Variants in MBOAT2 observed in about 807,000 individuals in gnomAD.
MBOAT2 encodes the protein membrane-bound glycerophospholipid O-acyltransferase 2.
Under a neutral mutation model 63.4 loss-of-function variants are expected in MBOAT2, and 28 were observed. The observed-to-expected ratio is 0.44, with a 90% CI of 0.33 to 0.61. MBOAT2 has a LOEUF of 0.61. Among genes scored for constraint, MBOAT2 ranks in the 20% least tolerant of loss-of-function variants. The pLI is 0.03. For synonymous variants in MBOAT2, 211 were observed against 215.6 expected, an observed-to-expected ratio of 0.98 and a Z score of 0.19; for missense variants, 470 against 605.8, an observed-to-expected ratio of 0.78 and a Z score of 2.35.
chr2:8,944,777 T>A (rs974038453), intron 2 of MBOAT2, among the ~76,000 whole-genome samples: 1 of 152,014 alleles, frequency 6.6e-6, no homozygotes, highest in African/African-American at 2.4e-5. Flanking sequence ...AAAGCTTTTT[T>A]AAAAAACAAT....
intron 3 of MBOAT2, among the ~76,000 whole-genome samples, chr2:8,933,349 TG>T (rs1667451043): frequency 6.6e-6 from 1 of 152,180 alleles, no homozygotes; most frequent in Non-Finnish European, 1.5e-5. Flanking sequence ...GAAAATTTTT[TG>T]GGTGGAAGAG....
intron 1 of MBOAT2, among the ~76,000 whole-genome samples, chr2:8,967,023 C>T: frequency 6.6e-6 from 1 of 152,268 alleles, no homozygotes; most frequent in African/African-American, 2.4e-5. Flanking sequence ...GATGAAGAAA[C>T]TATAATTTCT....
intron 4 of MBOAT2, among the ~76,000 whole-genome samples, chr2:8,902,876 T>G (rs1011276056): frequency 2.0e-5 from 3 of 152,234 alleles, no homozygotes; most frequent in Non-Finnish European, 4.4e-5. Context: ...GGGTTGCTGC[T>G]GCTGGCTCGG....
chr2:8,894,212 G>A (rs899737064), intron 4 of MBOAT2, among the ~76,000 whole-genome samples: 4 of 152,146 alleles, frequency 2.6e-5, no homozygotes, highest in African/African-American at 7.2e-5. Flanking sequence ...TGTTTCTGAC[G>A]AACCTTGTAC....
At position 8,888,405 on chromosome 2, in the gene MBOAT2, C is replaced by G. The variant is rs1228742308; in HGVS notation, c.396-332G>C. 2.0e-5 allele frequency among the ~76,000 whole-genome samples: 3 copies of G among 152,252 alleles called. No homozygotes were observed. The East Asian group carries it at 5.8e-4, about 29-fold the overall frequency. The stretch of plus-strand genomic sequence containing the variant: ...AAACAAGGCCCGGAGGTAAGAAGCA[C>G]GCAGGCATGAGATGTGGCCCCAGTC... On this transcript the variant is annotated intron_variant, in intron 4 of 12. Coordinates refer to ENST00000305997, the MANE Select transcript of MBOAT2 (RefSeq NM_138799.4).
At chr2:8,945,798 C>A (rs1031461300) in intron 2 of MBOAT2, among the ~76,000 whole-genome samples, 1 of 151,796 alleles carries the variant, frequency 6.6e-6, no homozygotes, top group Admixed American at 6.6e-5. Context: ...AATTTCAAGT[C>A]ACACTAAAGG....
chr2:8,950,984 C>T, intron 2 of MBOAT2, among the ~76,000 whole-genome samples: 1 of 152,096 alleles, frequency 6.6e-6, no homozygotes, highest in Non-Finnish European at 1.5e-5. Context: ...GGAATAAAGC[C>T]TACTTCATCA....
At chr2:8,880,952 C>T (rs13426036) in intron 6 of MBOAT2, among the ~76,000 whole-genome samples, 11,455 of 152,160 alleles carry the variant, frequency 0.075, 456 homozygotes, top group Middle Eastern at 0.11. Context: ...GTCGACAAAG[C>T]CTTCAAGAAG....
At chr2:8,982,051 G>A (rs114775287) in intron 1 of MBOAT2, among the ~76,000 whole-genome samples, 222 of 152,266 alleles carry the variant, frequency 1.5e-3, no homozygotes, top group African/African-American at 4.8e-3. Flanking sequence ...AGTTACTTCT[G>A]TAAAGTGGAA....
intron 4 of MBOAT2, among the ~76,000 whole-genome samples, chr2:8,900,572 G>A (rs1263929654): frequency 1.3e-5 from 2 of 152,126 alleles, no homozygotes. Context: ...ATAACCTGGG[G>A]GGTTTTGTGG....
chr2:8,871,811 G>A lies in MBOAT2; in HGVS notation c.883+1297C>T, dbSNP rs560361319. On this transcript the variant is annotated intron_variant, in intron 8 of 12. Coordinates refer to ENST00000305997, the MANE Select transcript of MBOAT2 (RefSeq NM_138799.4). ...CGACAGTAAAATGCTAATCCTTAGA[G>A]GCCTAATTATTGGCTGATGTGTTTC... Among the ~76,000 whole-genome samples the A allele has an allele frequency of 8.5e-5, 13 of 152,204 alleles. No homozygotes were observed. In the South Asian group the frequency reaches 2.7e-3, roughly 32 times the overall value.
chr2:8,894,329 G>A (rs1285857221), intron 4 of MBOAT2, among the ~76,000 whole-genome samples: 1 of 152,158 alleles, frequency 6.6e-6, no homozygotes, highest in Non-Finnish European at 1.5e-5. Flanking sequence ...TTTACTCCTG[G>A]TAACTTGAAT....
rs1367995756 is a variant in MBOAT2 at position 8,858,612 on chromosome 2, T to C, written c.*67A>G. The stretch of plus-strand genomic sequence containing the variant: ...GCTTTTCCAACAAACTCAAACCCCT[T>C]GAAAAGGTGCTAAGATTGGTTTCTG... On this transcript the variant is annotated 3_prime_UTR_variant, in exon 13 of 13. Transcript: ENST00000305997. 8.1e-7 allele frequency: 1 copy of C among 1,239,320 alleles called. No homozygotes were observed. Among genetic ancestry groups the C allele is most frequent in the African/African-American group, 1.5e-5 (1 of 65,976 alleles). The allele number at this position is 1,239,320 out of a possible 1,614,324, so 76.8% of individuals were successfully genotyped here. A position where few individuals can be genotyped will look rare whatever the true frequency, so the allele number is the denominator to read the frequency against.
chr2:8,883,599 T>C (rs1233756882), intron 5 of MBOAT2, among the ~76,000 whole-genome samples: 1 of 152,354 alleles, frequency 6.6e-6, no homozygotes, highest in South Asian at 2.1e-4. Flanking sequence ...CCTGCTTTTA[T>C]AGCACTTATA....
chr2:8,860,009 C>T (rs1572901526), intron 12 of MBOAT2, among the ~76,000 whole-genome samples: 1 of 151,922 alleles, frequency 6.6e-6, no homozygotes, highest in Non-Finnish European at 1.5e-5. Context: ...GATGGTGAAA[C>T]CCCATCTCTA....
At chr2:8,994,790 G>A (rs1271800272) in intron 1 of MBOAT2, among the ~76,000 whole-genome samples, 1 of 152,220 alleles carries the variant, frequency 6.6e-6, no homozygotes, top group Non-Finnish European at 1.5e-5. Context: ...CTTCATCAAG[G>A]AGGCATAGGC....
chr2:8,972,825 T>G (rs1445980998), intron 1 of MBOAT2, among the ~76,000 whole-genome samples: 3 of 151,708 alleles, frequency 2.0e-5, no homozygotes, highest in South Asian at 2.1e-4. Flanking sequence ...TGAGATACCA[T>G]CTCACACCAG....
At chr2:8,958,708 T>C in intron 1 of MBOAT2, 66 bp from the exon 2 acceptor site, 2 of 1,395,986 alleles carry the variant, frequency 1.4e-6, no homozygotes, top group Non-Finnish European at 1.9e-6. Flanking sequence ...CATGTTACAT[T>C]GAAATTCTCA....
At chr2:8,897,583 C>G (rs1453772079) in intron 4 of MBOAT2, among the ~76,000 whole-genome samples, 1 of 152,218 alleles carries the variant, frequency 6.6e-6, no homozygotes, top group Non-Finnish European at 1.5e-5. Context: ...ACTAGTTCTG[C>G]TAATTGGGCA....
Sources: gnomAD v4.1 joint callset for allele counts (sites outside exome capture counted in the v4.1 genomes callset) on GRCh38, gnomAD v4.1.1 for gene constraint, MANE v1.5 for transcripts, NCBI Gene and HGNC (gene_info 2026-07-23, HGNC 2026-07-21) for gene names.